The following MACROD2 variants were observed in gnomAD, a reference collection of about 807,000 sequenced individuals.
The protein encoded by MACROD2 is mono-ADP ribosylhydrolase 2, also known as ADP-ribose glycohydrolase MACROD2.
Under a neutral mutation model 70.4 loss-of-function variants are expected in MACROD2, and 36 were observed. The observed-to-expected ratio is 0.51, with a 90% confidence interval of 0.39 to 0.68. The LOEUF (loss-of-function observed/expected upper bound fraction) is 0.68. Ranked by LOEUF, MACROD2 falls within the 30% of genes least tolerant of loss-of-function variation. The probability of loss-of-function intolerance (pLI) is 0.00; values close to 1 mark genes in which losing one functional copy is unlikely to be tolerated. For synonymous variants in MACROD2, 172 were observed against 178.8 expected, an observed-to-expected ratio of 0.96 and a Z score of 0.30; for missense variants, 496 against 538.4, an observed-to-expected ratio of 0.92 and a Z score of 0.78.
At chr20:15,653,275 T>A (rs528273854) in intron 8 of MACROD2, among the ~76,000 whole-genome samples, 70 of 152,358 alleles carry the variant, frequency 4.6e-4, no homozygotes, top group Admixed American at 4.6e-3. Flanking sequence ...TTTGGTCACT[T>A]ATTCATGACA....
intron 3 of MACROD2, among the ~76,000 whole-genome samples, chr20:14,230,654 T>TATATATATATATATATATATAAAAAAAA: frequency 1.3e-5 from 1 of 74,240 alleles, no homozygotes; most frequent in South Asian, 5.3e-4. Flanking sequence ...TATATATATA[T>TATATATATATATATATATATAAAAAAAA]AACACAGGCT....
At chr20:15,247,215 T>A (rs1414079314) in intron 6 of MACROD2, among the ~76,000 whole-genome samples, 1 of 152,200 alleles carries the variant, frequency 6.6e-6, no homozygotes, top group Non-Finnish European at 1.5e-5. Flanking sequence ...AATTTAAAAT[T>A]TAAAAACCTT....
intron 3 of MACROD2, among the ~76,000 whole-genome samples, chr20:14,240,678 C>T (rs983461547): frequency 2.0e-5 from 3 of 152,092 alleles, no homozygotes; most frequent in African/African-American, 7.2e-5. Context: ...AAAAGATACC[C>T]AGGCCTACTT....
At chr20:14,976,742 A>G (rs1356591424) in intron 5 of MACROD2, among the ~76,000 whole-genome samples, 3 of 151,898 alleles carry the variant, frequency 2.0e-5, no homozygotes, top group African/African-American at 7.3e-5. Flanking sequence ...TCACTTCCCA[A>G]CTCTGTGGCT....
At chr20:15,355,265 C>T (rs111329998) in intron 6 of MACROD2, among the ~76,000 whole-genome samples, 22 of 152,276 alleles carry the variant, frequency 1.4e-4, no homozygotes, top group African/African-American at 5.3e-4. Context: ...AACCAACTGG[C>T]TATAAATATC....
chr20:15,828,429 T>C (rs2064020727), intron 8 of MACROD2, among the ~76,000 whole-genome samples: 1 of 152,106 alleles, frequency 6.6e-6, no homozygotes, highest in Non-Finnish European at 1.5e-5. Context: ...CTGCCTCCCC[T>C]CAAAATGATC....
At chr20:15,254,059 C>T (rs1354241857) in intron 6 of MACROD2, among the ~76,000 whole-genome samples, 4 of 152,134 alleles carry the variant, frequency 2.6e-5, no homozygotes, top group East Asian at 1.9e-4. Flanking sequence ...CAATCATACT[C>T]CGATTTGGTT....
At position 14,071,252 on chromosome 20, in the gene MACROD2, G is replaced by GTTTTTTTT. The variant is rs59052053; in HGVS notation, c.164-14350_164-14343dup. Reference sequence around the variant, plus strand: ...GACAGTATTGGCCATTTCATCTTGTGTTTTTTTTTTTTTTTTTTTTTTTTT... The same window carrying GTTTTTTTT: ...GACAGTATTGGCCATTTCATCTTGTGTTTTTTTTTTTTTTTTTTTTTTTTTTTTTTTTT... On this transcript the variant is annotated intron_variant, in intron 2 of 17. Coordinates refer to ENST00000684519, the MANE Select transcript of MACROD2 (RefSeq NM_001351661.2). Among the ~76,000 whole-genome samples the GTTTTTTTT allele has an allele frequency of 2.1e-3, 135 of 63,944 alleles. 32 individuals carry two copies. The highest frequency in any genetic ancestry group is 3.3e-3 in the East Asian group (6 of 1,824). 41.9% of individuals were successfully genotyped at this position (63,944 alleles called of 152,430 possible). A position where few individuals can be genotyped will look rare whatever the true frequency, so the allele number is the denominator to read the frequency against.
At chr20:15,058,305 C>CA (rs2075503480) in intron 5 of MACROD2, among the ~76,000 whole-genome samples, 1 of 152,174 alleles carries the variant, frequency 6.6e-6, no homozygotes. Context: ...CCAACCCCAG[C>CA]AACCCCAATA....
chr20:14,839,629 A>G (rs578039180), intron 5 of MACROD2, among the ~76,000 whole-genome samples: 4 of 152,206 alleles, frequency 2.6e-5, no homozygotes, highest in African/African-American at 9.6e-5. Flanking sequence ...TGTCCCCAGA[A>G]CTGACAGTGA....
At chr20:15,893,623 A>C (rs1033978992) in intron 10 of MACROD2, 14 of 437,420 alleles carry the variant, frequency 3.2e-5, no homozygotes, top group Middle Eastern at 6.8e-4. Context: ...TGTTCTTTTC[A>C]TGTGAACCTC....
intron 5 of MACROD2, among the ~76,000 whole-genome samples, chr20:15,209,115 G>T (rs1471012051): frequency 2.0e-5 from 3 of 147,074 alleles, no homozygotes; most frequent in Non-Finnish European, 4.5e-5. Flanking sequence ...GGTGGTGGTG[G>T]TATTTATTTA....
At chr20:15,940,263 T>C (rs1165964414) in intron 12 of MACROD2, among the ~76,000 whole-genome samples, 2 of 151,152 alleles carry the variant, frequency 1.3e-5, no homozygotes, top group Admixed American at 1.3e-4. Flanking sequence ...GCTCTTCTTT[T>C]TTTTTTTTTT....
intron 5 of MACROD2, among the ~76,000 whole-genome samples, chr20:14,906,490 T>G (rs1430881462): frequency 6.6e-6 from 1 of 151,998 alleles, no homozygotes; most frequent in African/African-American, 2.4e-5. Flanking sequence ...TGAGACTCAG[T>G]CACCAAAAGA....
At chr20:14,470,751 A>T (rs906283666) in intron 3 of MACROD2, among the ~76,000 whole-genome samples, 2 of 152,120 alleles carry the variant, frequency 1.3e-5, no homozygotes, top group Non-Finnish European at 2.9e-5. Context: ...CTCAAGCGTC[A>T]GTAATGGTGG....
intron 6 of MACROD2, among the ~76,000 whole-genome samples, chr20:15,258,055 G>A (rs766581940): frequency 6.7e-5 from 10 of 149,792 alleles, no homozygotes; most frequent in Non-Finnish European, 1.5e-5. Context: ...AAAAAAAAAG[G>A]TAAAAATACA....
At chr20:15,404,442 A>G (rs940904381) in intron 6 of MACROD2, among the ~76,000 whole-genome samples, 3 of 152,242 alleles carry the variant, frequency 2.0e-5, no homozygotes, top group African/African-American at 7.2e-5. Context: ...AAACTGTACC[A>G]GGGAAGAGGA....
At chr20:15,558,439 C>A (rs1164438899) in intron 8 of MACROD2, among the ~76,000 whole-genome samples, 1 of 152,186 alleles carries the variant, frequency 6.6e-6, no homozygotes, top group Non-Finnish European at 1.5e-5. Flanking sequence ...TGGCAAAAAA[C>A]ACAATTACTT....
intron 15 of MACROD2, among the ~76,000 whole-genome samples, chr20:16,004,813 C>T (rs745411015): frequency 1.3e-5 from 2 of 152,234 alleles, no homozygotes; most frequent in Non-Finnish European, 2.9e-5. Flanking sequence ...CTCTCTTTCT[C>T]TTGGCCCCAG....
Sources: allele counts gnomAD v4.1 joint callset (sites outside exome capture counted in the v4.1 genomes callset), GRCh38; gene constraint gnomAD v4.1.1; transcripts MANE v1.5; gene names NCBI Gene and HGNC (gene_info 2026-07-23, HGNC 2026-07-21).